The following TMEM266 variants were observed in gnomAD, a reference collection of about 807,000 sequenced individuals.
The protein encoded by TMEM266 is transmembrane protein 266.
TMEM266 carries 33 observed loss-of-function variants against 50.5 expected under a neutral mutation model. That is an observed-to-expected ratio of 0.65 (90% CI 0.50 to 0.87). TMEM266 has a LOEUF of 0.87. Ranked by LOEUF, TMEM266 falls within the 40% of genes least tolerant of loss-of-function variation. The probability of loss-of-function intolerance (pLI) is 0.00; values close to 1 mark genes in which losing one functional copy is unlikely to be tolerated. For missense variants in TMEM266, 655 were observed against 695.1 expected (o/e 0.94, Z 0.65); for synonymous variants, 310 against 292.3 (o/e 1.06, Z -0.62).
intron 1 of TMEM266, among the ~76,000 whole-genome samples, chr15:76,097,856 C>A (rs555483984): frequency 6.6e-6 from 1 of 152,006 alleles, no homozygotes; most frequent in Admixed American, 6.5e-5. Flanking sequence ...TTAAGTTGAT[C>A]TTCAATCACT....
At chr15:76,060,366 G>T (rs971345569) in intron 1 of TMEM266, among the ~76,000 whole-genome samples, 2 of 150,950 alleles carry the variant, frequency 1.3e-5, no homozygotes, top group Admixed American at 6.6e-5. Flanking sequence ...CTGGAGGGGG[G>T]GGTTGCTGCT....
chr15:76,094,823 G>C (rs1364943731), intron 1 of TMEM266, among the ~76,000 whole-genome samples: 1 of 151,912 alleles, frequency 6.6e-6, no homozygotes, highest in African/African-American at 2.4e-5. Flanking sequence ...CCTTGAAGAG[G>C]TCCTTCACAT....
intron 1 of TMEM266, among the ~76,000 whole-genome samples, chr15:76,122,813 C>A (rs79192348): frequency 6.6e-6 from 1 of 151,460 alleles, no homozygotes; most frequent in African/African-American, 2.4e-5. Context: ...CAGCTAGGGG[C>A]GAGGAGCAAG....
At chr15:76,176,077 G>T (rs1488068342) in intron 8 of TMEM266, 1 of 181,778 alleles carries the variant, frequency 5.5e-6, no homozygotes, top group Non-Finnish European at 1.1e-5. Context: ...GGGACGCCCA[G>T]GGCCCCAGAA....
chr15:76,117,211 G>A (rs116653207), intron 1 of TMEM266, among the ~76,000 whole-genome samples: 4 of 151,804 alleles, frequency 2.6e-5, no homozygotes, highest in South Asian at 4.2e-4. Flanking sequence ...ATCCATCAGG[G>A]TCTTACACTT....
At chr15:76,099,881 C>G (rs956670497) in intron 1 of TMEM266, among the ~76,000 whole-genome samples, 2 of 152,094 alleles carry the variant, frequency 1.3e-5, no homozygotes, top group African/African-American at 4.8e-5. Flanking sequence ...AAAGAGGAAG[C>G]AAGCACATCT....
At chr15:76,081,741 C>G (rs1213268951) in intron 1 of TMEM266, among the ~76,000 whole-genome samples, 3 of 152,126 alleles carry the variant, frequency 2.0e-5, no homozygotes, top group African/African-American at 7.2e-5. Flanking sequence ...TATGAGAAAG[C>G]TTCCAACACT....
intron 5 of TMEM266, among the ~76,000 whole-genome samples, chr15:76,166,406 A>C (rs1331502870): frequency 6.6e-6 from 1 of 152,160 alleles, no homozygotes; most frequent in Non-Finnish European, 1.5e-5. Flanking sequence ...TGAGCTAAGA[A>C]GGAAAGGCTC....
intron 1 of TMEM266, among the ~76,000 whole-genome samples, chr15:76,092,760 C>T (rs2036866026): frequency 6.7e-6 from 1 of 148,160 alleles, no homozygotes; most frequent in African/African-American, 2.5e-5. Flanking sequence ...TATTCTAAGC[C>T]TTTTATGGGT....
chr15:76,171,242 A>G, intron 7 of TMEM266, 111 bp downstream of exon 7: 1 of 1,434,808 alleles, frequency 7.0e-7, no homozygotes, highest in Non-Finnish European at 9.3e-7. Flanking sequence ...TCAGGACGGA[A>G]GGTGAAACTG....
At chr15:76,164,057 G>A (rs1321494272) in intron 5 of TMEM266, among the ~76,000 whole-genome samples, 1 of 152,014 alleles carries the variant, frequency 6.6e-6, no homozygotes, top group Non-Finnish European at 1.5e-5. Flanking sequence ...CCCCCTATAC[G>A]GCCGCCCTGC....
intron 8 of TMEM266, among the ~76,000 whole-genome samples, chr15:76,186,402 C>T (rs1189199456): frequency 6.6e-6 from 1 of 152,204 alleles, no homozygotes; most frequent in Admixed American, 6.5e-5. Context: ...TGGGCTGTCC[C>T]AGCCTGTGAC....
intron 8 of TMEM266, chr15:76,181,327 T>C (rs926384264): frequency 6.6e-6 from 1 of 152,160 alleles, no homozygotes; most frequent in African/African-American, 2.4e-5. Flanking sequence ...TATGATCTCT[T>C]CTGGTTGTGG....
At position 76,203,810 on chromosome 15, in the gene TMEM266, T is replaced by C; in HGVS notation, c.1091T>C (p.Ile364Thr). Reference sequence around the variant, plus strand: ...GCAATAGACATTCACCAGCCCAACATCTCCTCGGACCTCTTCTCTCTGGAC... The same window carrying C: ...GCAATAGACATTCACCAGCCCAACACCTCCTCGGACCTCTTCTCTCTGGAC... The change falls in exon 11 of 11, where the codon ATC becomes ACC. Residue 364 changes from isoleucine (I) to threonine (T), a missense_variant. Around this residue, in one of 3 missense-constraint regions of TMEM266, gnomAD observed 455 missense variants for 401.8 expected, o/e 1.13. Transcript: ENST00000388942. 1 of 1,614,056 alleles carries C rather than the reference T, an allele frequency of 6.2e-7. No homozygotes were observed.
intron 3 of TMEM266, among the ~76,000 whole-genome samples, chr15:76,146,395 T>C (rs920410999): frequency 6.6e-6 from 1 of 152,206 alleles, no homozygotes; most frequent in Admixed American, 6.5e-5. Flanking sequence ...GACAGTTATT[T>C]TATATCTTAG....
intron 10 of TMEM266, 54 bp from the exon 11 acceptor site, chr15:76,203,687 C>A: frequency 6.5e-7 from 1 of 1,530,298 alleles, no homozygotes; most frequent in Non-Finnish European, 9.0e-7. Context: ...CTCTTCAGGG[C>A]CCCCAGGTGT....
intron 1 of TMEM266, among the ~76,000 whole-genome samples, chr15:76,124,863 C>G (rs555984619): frequency 6.6e-6 from 1 of 151,908 alleles, no homozygotes; most frequent in African/African-American, 2.4e-5. Flanking sequence ...TTGTATGGAA[C>G]CACAAAAGAC....
At chr15:76,094,913 TTGTC>T (rs762306228) in intron 1 of TMEM266, among the ~76,000 whole-genome samples, 1 of 151,940 alleles carries the variant, frequency 6.6e-6, no homozygotes, top group Non-Finnish European at 1.5e-5. Flanking sequence ...TTGGCTGTGT[TTGTC>T]TGTTATTGGT....
At chr15:76,133,947 CA>C (rs1402377101) in intron 1 of TMEM266, among the ~76,000 whole-genome samples, 2 of 152,018 alleles carry the variant, frequency 1.3e-5, no homozygotes, top group South Asian at 4.2e-4. Context: ...CTCTGTGACA[CA>C]AAAAAGTCAT....
Sources: gnomAD v4.1 joint callset for allele counts (sites outside exome capture counted in the v4.1 genomes callset) on GRCh38, gnomAD v4.1.1 for gene constraint, gnomAD v4.1.1 regional missense constraint, MANE v1.5 for transcripts, NCBI Gene and HGNC (gene_info 2026-07-23, HGNC 2026-07-21) for gene names.